The following INPP4A variants were observed in gnomAD, a reference collection of about 807,000 sequenced individuals.
INPP4A encodes inositol polyphosphate-4-phosphatase type I A, also known as inositol polyphosphate-4-phosphatase, type I, 107kD.
In INPP4A, 33 loss-of-function variants were observed where a neutral mutation model predicts 119.8. The ratio of observed to expected loss-of-function variants is 0.28; its 90% CI spans 0.21 to 0.37. The LOEUF (loss-of-function observed/expected upper bound fraction) is 0.37. Among genes scored for constraint, INPP4A ranks in the 10% least tolerant of loss-of-function variants. The pLI, the probability that INPP4A is intolerant of heterozygous loss-of-function variation, is 1.00. For synonymous variants in INPP4A, 496 were observed against 500.7 expected, an observed-to-expected ratio of 0.99 and a Z score of 0.12; for missense variants, 956 against 1,289.9, an observed-to-expected ratio of 0.74 and a Z score of 3.97.
chr2:98,535,303 C>T (rs981650721), intron 5 of INPP4A, among the ~76,000 whole-genome samples: 2 of 152,198 alleles, frequency 1.3e-5, no homozygotes, highest in Admixed American at 1.3e-4. Context: ...TTCATTTTCT[C>T]TCTTTCATCT....
At chr2:98,473,017 T>G (rs568087877) in intron 1 of INPP4A, among the ~76,000 whole-genome samples, 22 of 147,920 alleles carry the variant, frequency 1.5e-4, no homozygotes, top group African/African-American at 4.9e-4. Context: ...GTGGGTGCAG[T>G]GAAGAGTGTG....
At position 98,554,299 on chromosome 2, in the gene INPP4A, G is replaced by A. The variant is rs1418682438; in HGVS notation, c.1376G>A (p.Cys459Tyr). 3 of 1,609,954 alleles carry A rather than the reference G, an allele frequency of 1.9e-6. No homozygotes were observed. Among genetic ancestry groups the A allele is most frequent in the African/African-American group, 2.7e-5 (2 of 74,860 alleles). ...CGGCAGCTGGTCACGGTCTGCGACT[G>A]CAAGCTCCTGGCCAACTCCATCCAT... is the stretch of plus-strand genomic sequence containing the variant. ...KTRQLVTVCD[C>Y]KLLANSIHGL... Residue 459 changes from cysteine (C) to tyrosine (Y), a missense_variant, in exon 15 of 25, where the codon TGC becomes TAC. Transcript: ENST00000409851. The surrounding 1 kb of genome is among the most constrained non-coding windows in gnomAD (Gnocchi z 4.7).
intron 24 of INPP4A, among the ~76,000 whole-genome samples, chr2:98,582,624 C>G (rs376972689): frequency 6.9e-6 from 1 of 145,542 alleles, no homozygotes; most frequent in Non-Finnish European, 1.5e-5. Context: ...CTACTGCATA[C>G]GCCAGACACA....
intron 10 of INPP4A, among the ~76,000 whole-genome samples, chr2:98,540,145 T>G (rs748255943): frequency 2.9e-4 from 44 of 152,178 alleles, no homozygotes; most frequent in Non-Finnish European, 5.3e-4. Context: ...TTGGTCAGGC[T>G]GGTCTCGAAC....
intron 10 of INPP4A, among the ~76,000 whole-genome samples, chr2:98,540,614 T>C (rs1229282142): frequency 6.6e-6 from 1 of 152,236 alleles, no homozygotes; most frequent in East Asian, 1.9e-4. Context: ...TCCAAAAGCA[T>C]GGTACTGGCA....
intron 4 of INPP4A, among the ~76,000 whole-genome samples, chr2:98,532,330 G>A (rs1483668981): frequency 2.0e-5 from 3 of 151,770 alleles, no homozygotes; most frequent in Non-Finnish European, 4.4e-5. Context: ...AATTTCCTGT[G>A]CATTTGTCTC....
chr2:98,496,701 A>G (rs1344582258), intron 1 of INPP4A, among the ~76,000 whole-genome samples: 2 of 152,264 alleles, frequency 1.3e-5, no homozygotes, highest in East Asian at 3.8e-4. Flanking sequence ...AAAAATGGGC[A>G]AAAGACCTGA....
chr2:98,505,349 C>G (rs1683844147), intron 1 of INPP4A, among the ~76,000 whole-genome samples: 1 of 152,174 alleles, frequency 6.6e-6, no homozygotes, highest in African/African-American at 2.4e-5. Flanking sequence ...AGTGGGCTGA[C>G]CTTGGTGGAG....
intron 1 of INPP4A, among the ~76,000 whole-genome samples, chr2:98,466,926 C>G (rs1347525094): frequency 6.6e-6 from 1 of 152,148 alleles, no homozygotes; most frequent in Non-Finnish European, 1.5e-5. Context: ...TTCTCTTAGT[C>G]TGTTTTGTGC....
chr2:98,530,130 G>A (rs1332738908), intron 4 of INPP4A, among the ~76,000 whole-genome samples: 2 of 151,252 alleles, frequency 1.3e-5, no homozygotes, highest in African/African-American at 2.4e-5. Flanking sequence ...CAAATTCTAA[G>A]GAGAAAGAAA....
At chr2:98,512,264 C>T (rs973642596) in intron 1 of INPP4A, among the ~76,000 whole-genome samples, 2 of 152,186 alleles carry the variant, frequency 1.3e-5, no homozygotes, top group African/African-American at 2.4e-5. Context: ...GAGAGAAGCT[C>T]AGCAGCTCTT....
At chr2:98,571,212 T>G (rs1280858271) in intron 22 of INPP4A, among the ~76,000 whole-genome samples, 4 of 152,184 alleles carry the variant, frequency 2.6e-5, no homozygotes, top group African/African-American at 7.2e-5. Flanking sequence ...TTCTCTAATC[T>G]GATCCCCACA....
At chr2:98,586,426 A>G (rs1396394720) in intron 24 of INPP4A, among the ~76,000 whole-genome samples, 4 of 152,032 alleles carry the variant, frequency 2.6e-5, no homozygotes, top group African/African-American at 7.3e-5. Context: ...CAAATTTTAC[A>G]TCTCATAAGG....
intron 1 of INPP4A, among the ~76,000 whole-genome samples, chr2:98,476,542 G>A (rs1677253189): frequency 6.6e-6 from 1 of 152,208 alleles, no homozygotes; most frequent in Admixed American, 6.5e-5. Flanking sequence ...CAGCTGGGGT[G>A]CTGGGACCCA....
At chr2:98,454,548 G>A (rs1334704062) in intron 1 of INPP4A, among the ~76,000 whole-genome samples, 3 of 152,110 alleles carry the variant, frequency 2.0e-5, no homozygotes, top group Middle Eastern at 3.2e-3. Flanking sequence ...CACTGGACCG[G>A]TGCAAACATG....
At chr2:98,549,539 C>T (rs557269422) in intron 13 of INPP4A, among the ~76,000 whole-genome samples, 36 of 152,150 alleles carry the variant, frequency 2.4e-4, no homozygotes, top group Non-Finnish European at 3.4e-4. Flanking sequence ...TTAGAAACCA[C>T]GGTGTCTGCT....
At position 98,588,362 on chromosome 2, in the gene INPP4A, G is replaced by C. The variant is rs372641904; in HGVS notation, c.*754G>C. On this transcript the variant is annotated 3_prime_UTR_variant, in exon 25 of 25. Coordinates refer to ENST00000409851, the MANE Select transcript of INPP4A (RefSeq NM_001134225.2). ...CTCCTGTTCTCTGAAGCTCCCTGCCGAGGCTCCCTCACGCCCAGAGGACAC... is the reference window on the plus strand; with the variant it reads ...CTCCTGTTCTCTGAAGCTCCCTGCCCAGGCTCCCTCACGCCCAGAGGACAC... 1 of 199,652 alleles carries C rather than the reference G, an allele frequency of 5.0e-6. No homozygotes were observed. The highest frequency in any genetic ancestry group is 1.0e-5 in the Non-Finnish European group (1 of 96,934). The allele number at this position is 199,652 out of a possible 1,614,324, so 12.4% of individuals were successfully genotyped here.
chr2:98,446,119 C>A (rs953605156), intron 1 of INPP4A, among the ~76,000 whole-genome samples: 1 of 152,190 alleles, frequency 6.6e-6, no homozygotes, highest in African/African-American at 2.4e-5. Context: ...ATGGTTCTGC[C>A]GCTTGCTGAC....
rs556445081 is a variant in INPP4A at position 98,482,217 on chromosome 2, C to T, written c.-165-36747C>T. On this transcript the variant is annotated intron_variant, in intron 1 of 24. Coordinates refer to ENST00000409851, the MANE Select transcript of INPP4A (RefSeq NM_001134225.2). The stretch of plus-strand genomic sequence containing the variant: ...GGGCCACCTTGCTGTAAAATGTTTT[C>T]TGTATCCTGCTTTTTTCCTCTTTGC... Among the ~76,000 whole-genome samples the T allele has an allele frequency of 2.6e-5, 4 of 152,394 alleles. No homozygotes were observed. In the South Asian group the frequency reaches 8.3e-4, roughly 32 times the overall value.
Sources: allele counts gnomAD v4.1 joint callset (sites outside exome capture counted in the v4.1 genomes callset), GRCh38; gene constraint gnomAD v4.1.1; non-coding constraint Gnocchi (gnomAD v3.1); transcripts MANE v1.5; gene names NCBI Gene and HGNC (gene_info 2026-07-23, HGNC 2026-07-21).